Variants in WASF3 observed in about 807,000 individuals in gnomAD.
The protein encoded by WASF3 is actin-binding protein WASF3.
A neutral mutation model predicts 46.6 loss-of-function variants in WASF3; 11 were observed. That is an observed-to-expected ratio of 0.24 (90% CI 0.15 to 0.39). The LOEUF is 0.39. Among genes scored for constraint, WASF3 ranks in the 10% least tolerant of loss-of-function variants. The pLI, the probability that WASF3 is intolerant of heterozygous loss-of-function variation, is 1.00. For missense variants in WASF3, 576 were observed against 669.8 expected (o/e 0.86, Z 1.55); for synonymous variants, 242 against 259.7 (o/e 0.93, Z 0.65).
chr13:26,656,943 C>T (rs1400873668), intron 3 of WASF3, among the ~76,000 whole-genome samples: 2 of 152,052 alleles, frequency 1.3e-5, no homozygotes, highest in Non-Finnish European at 2.9e-5. Flanking sequence ...AGTATACACC[C>T]CAAACCTGAT....
At chr13:26,621,822 T>TG (rs1390829682) in intron 2 of WASF3, among the ~76,000 whole-genome samples, 2 of 152,104 alleles carry the variant, frequency 1.3e-5, no homozygotes, top group Non-Finnish European at 2.9e-5. Context: ...GGGAATGTTA[T>TG]GTTAGTGAGT....
At chr13:26,652,781 G>T (rs1440940670) in intron 3 of WASF3, among the ~76,000 whole-genome samples, 1 of 152,212 alleles carries the variant, frequency 6.6e-6, no homozygotes, top group East Asian at 1.9e-4. Context: ...TGCTAACCAT[G>T]TGGTAGTGAA....
intron 1 of WASF3, among the ~76,000 whole-genome samples, chr13:26,573,725 A>G (rs145823680): frequency 7.2e-5 from 11 of 152,314 alleles, no homozygotes; most frequent in African/African-American, 2.6e-4. Context: ...AAAAGTCTAC[A>G]TCAGAAGTAT....
intron 3 of WASF3, among the ~76,000 whole-genome samples, chr13:26,644,906 G>A (rs1882104150): frequency 6.6e-6 from 1 of 152,172 alleles, no homozygotes. Flanking sequence ...ACCTGCCCAG[G>A]ATGGCTTTCC....
rs536924263 is a variant in WASF3 at position 26,680,290 on chromosome 13, A to G, written c.717-764A>G. On this transcript the variant is annotated intron_variant, in intron 7 of 9. Coordinates refer to ENST00000335327, the MANE Select transcript of WASF3 (RefSeq NM_006646.6). ...AGGATGTACAGCCCCTCCTGGCCAC[A>G]TGTCCTGTAACCTGAGCCAGGAGCG... The G allele has an allele frequency of 9.9e-6, 14 of 1,413,728 alleles. No homozygotes were observed. The Admixed American group carries it at 2.9e-4, about 30-fold the overall frequency. 87.6% of individuals were successfully genotyped at this position (1,413,728 alleles called of 1,614,324 possible).
intron 1 of WASF3, among the ~76,000 whole-genome samples, chr13:26,588,456 C>T (rs534648244): frequency 4.0e-4 from 61 of 152,304 alleles, no homozygotes; most frequent in Non-Finnish European, 6.6e-4. Context: ...GTGTCTGTCC[C>T]CATTCAGTCA....
At position 26,685,740 on chromosome 13, in the gene WASF3, G is replaced by A. The variant is rs377515882; in HGVS notation, c.1404G>A (p.Glu468=). 28 of 1,614,238 alleles carry A rather than the reference G, an allele frequency of 1.7e-5. 1 individual carries two copies. The African/African-American group carries it at 1.9e-4, about 11-fold the overall frequency. Reference sequence around the variant, plus strand: ...AGCGGGAGCAGGAGGCCAAGCGGGAGCCAGTGGGGAATGACGTGGCCACGA... The same window carrying A: ...AGCGGGAGCAGGAGGCCAAGCGGGAACCAGTGGGGAATGACGTGGCCACGA... The part of the protein sequence containing the change: ...QEQREQEAKR[E]PVGNDVATIL... The change falls in exon 10 of 10, where the codon GAG becomes GAA. Residue 468 remains glutamate (E), a synonymous_variant. Transcript: ENST00000335327.
At chr13:26,568,556 G>C (rs753879571) in intron 1 of WASF3, among the ~76,000 whole-genome samples, 1 of 152,138 alleles carries the variant, frequency 6.6e-6, no homozygotes, top group Non-Finnish European at 1.5e-5. Context: ...TTGCATGCAG[G>C]AATTTTCCCC....
chr13:26,587,013 G>A (rs1450546061), intron 1 of WASF3, among the ~76,000 whole-genome samples: 6 of 149,404 alleles, frequency 4.0e-5, no homozygotes, highest in Non-Finnish European at 5.9e-5. Flanking sequence ...TGAGGTGGGC[G>A]GATCACTTGA....
chr13:26,539,988 G>T, the WASF3 span, among the ~76,000 whole-genome samples: 1 of 152,140 alleles, frequency 6.6e-6, no homozygotes, highest in South Asian at 2.1e-4. Context: ...GAGTGTCTGG[G>T]GGGTGTGAGA....
At chr13:26,610,504 G>A (rs141382813) in intron 1 of WASF3, among the ~76,000 whole-genome samples, 1 of 152,280 alleles carries the variant, frequency 6.6e-6, no homozygotes, top group Non-Finnish European at 1.5e-5. Flanking sequence ...ACATATATAT[G>A]TGTTTATTGA....
At chr13:26,672,201 T>C (rs952953641) in intron 6 of WASF3, among the ~76,000 whole-genome samples, 3 of 152,242 alleles carry the variant, frequency 2.0e-5, no homozygotes, top group African/African-American at 7.2e-5. Context: ...CTTGCTTTGC[T>C]TTAACAAAAG....
chr13:26,578,186 A>G (rs1032311963), intron 1 of WASF3, among the ~76,000 whole-genome samples: 1 of 152,174 alleles, frequency 6.6e-6, no homozygotes, highest in African/African-American at 2.4e-5. Context: ...TAGAAATTAT[A>G]AGATTAGATA....
rs150676402 is a variant in WASF3 at position 26,648,301 on chromosome 13, A to G, written c.133+5898A>G. ...CATGTGTGGAGTAATTGTACAAATG[A>G]GAAAGGAAGTCTGTTTTCTTTTCAA... On this transcript the variant is annotated intron_variant, in intron 3 of 9. Transcript: ENST00000335327. Among the ~76,000 whole-genome samples, 1,055 of 152,278 alleles carry G rather than the reference A, an allele frequency of 6.9e-3. 9 individuals are homozygous for G. Among genetic ancestry groups the G allele is most frequent in the African/African-American group, 0.024 (978 of 41,554 alleles).
chr13:26,596,911 A>G (rs1394782691), intron 1 of WASF3, among the ~76,000 whole-genome samples: 1 of 151,902 alleles, frequency 6.6e-6, no homozygotes, highest in Non-Finnish European at 1.5e-5. Flanking sequence ...TGAAATTGTA[A>G]TTTCCATTTC....
At chr13:26,671,845 C>T (rs966747580) in intron 5 of WASF3, 27 bp from the exon 6 acceptor site, 14 of 1,473,256 alleles carry the variant, frequency 9.5e-6, no homozygotes, top group Non-Finnish European at 1.3e-5. Flanking sequence ...TCTTTTCTTC[C>T]CTGACTTACA....
At chr13:26,559,524 A>G (rs959286651) in intron 1 of WASF3, among the ~76,000 whole-genome samples, 2 of 152,174 alleles carry the variant, frequency 1.3e-5, no homozygotes, top group Admixed American at 6.5e-5. Flanking sequence ...GTAACCTCCT[A>G]TCTCTTGTCA....
At chr13:26,554,096 C>CTTCTTTCTTTCCTTCTTTCT (rs1879039599), upstream of WASF3, among the ~76,000 whole-genome samples, 47 of 7,372 alleles carry the variant, frequency 6.4e-3, 1 homozygote, top group Non-Finnish European at 0.012. Context: ...TCCTTCCTTC[C>CTTCTTTCTTTCCTTCTTTCT]TTCTTTCTTT....
intron 5 of WASF3, among the ~76,000 whole-genome samples, chr13:26,668,199 C>T (rs1882828578): frequency 6.6e-6 from 1 of 152,054 alleles, no homozygotes; most frequent in African/African-American, 2.4e-5. Context: ...ACGAGACTTC[C>T]AAGAAAAACA....
Sources: gnomAD v4.1 joint callset for allele counts (sites outside exome capture counted in the v4.1 genomes callset) on GRCh38, gnomAD v4.1.1 for gene constraint, MANE v1.5 for transcripts, NCBI Gene and HGNC (gene_info 2026-07-23, HGNC 2026-07-21) for gene names.